Variants in ERICH1 observed in about 807,000 individuals in gnomAD.
ERICH1 encodes the protein glutamate rich 1, also known as glutamate-rich protein 1.
In ERICH1, 56 loss-of-function variants were observed where a neutral mutation model predicts 39.6. That is an observed-to-expected ratio of 1.41 (90% CI 1.14 to 1.77). The LOEUF is 1.77. Ranked by LOEUF, ERICH1 falls within the 40% of genes most tolerant of loss-of-function variation. The pLI is 0.00. For missense variants in ERICH1, 826 were observed against 575.4 expected (o/e 1.44, Z -4.45); for synonymous variants, 313 against 223.6 (o/e 1.40, Z -3.57).
intron 3 of ERICH1, among the ~76,000 whole-genome samples, chr8:658,332 C>T (rs972514891): frequency 1.5e-4 from 23 of 152,122 alleles, no homozygotes; most frequent in African/African-American, 9.7e-5. Context: ...CTGGGCCTCC[C>T]GGGAGGTGGG....
chr8:701,981 G>A (rs1812246638), intron 2 of ERICH1, among the ~76,000 whole-genome samples: 1 of 150,024 alleles, frequency 6.7e-6, no homozygotes. Flanking sequence ...GGAGGCTGAG[G>A]CATGAGAATC....
chr8:664,722 A>G (rs762005917), intron 5 of ERICH1, 46 bp from the exon 6 acceptor site: 11 of 1,495,818 alleles, frequency 7.4e-6, no homozygotes, highest in Admixed American at 1.8e-5. Flanking sequence ...AAAGACAAAA[A>G]GAAAAATCAT....
At chr8:730,864 C>T (rs1819822836) in intron 1 of ERICH1, among the ~76,000 whole-genome samples, 1 of 152,224 alleles carries the variant, frequency 6.6e-6, no homozygotes, top group African/African-American at 2.4e-5. Context: ...GAATCCCTGG[C>T]TGGGCTCGCC....
At chr8:628,885 G>C (rs1037328389) in intron 3 of ERICH1, among the ~76,000 whole-genome samples, 4 of 152,110 alleles carry the variant, frequency 2.6e-5, no homozygotes, top group African/African-American at 9.7e-5. Flanking sequence ...CCTCCTGCAA[G>C]CCCTTCCGCT....
chr8:673,436 GGTCTTCCTCGCTGGCGTCCGCACC>G lies in ERICH1; in HGVS notation c.892_915del (p.Gly298_Asp305del), dbSNP rs762060652. 16 of 1,613,008 alleles carry G rather than the reference GGTCTTCCTCGCTGGCGTCCGCACC, an allele frequency of 9.9e-6. No individual in the cohort carries two copies. The Admixed American group carries it at 1.5e-4, about 15-fold the overall frequency. ...CCCTCTTCCTCCCCAGCCCATGTCG[GGTCTTCCTCGCTGGCGTCCGCACC>G]GTCCTCCTCCCTGGTGTCTTTACCG... On this transcript the variant is annotated inframe_deletion, in exon 4 of 6. Coordinates refer to ENST00000262109, the MANE Select transcript of ERICH1 (RefSeq NM_207332.3).
chr8:635,130 G>A lies in ERICH1; in HGVS notation c.977-19846C>T, dbSNP rs553504413. On this transcript the variant is annotated intron_variant, in intron 3 of 3. Coordinates refer to the ERICH1 transcript ENST00000522706. The stretch of plus-strand genomic sequence containing the variant: ...AAAAAAAAGCACCTCACCAGGAGTG[G>A]GCGTGGCCGCATCTGCCTCTCCCTG... 4.6e-5 allele frequency among the ~76,000 whole-genome samples: 7 copies of A among 152,082 alleles called. No individual in the cohort carries two copies. The East Asian group carries it at 1.2e-3, about 25-fold the overall frequency.
At chr8:651,863 C>T (rs545924574) in intron 3 of ERICH1, among the ~76,000 whole-genome samples, 130 of 152,182 alleles carry the variant, frequency 8.5e-4, no homozygotes, top group African/African-American at 3.0e-3. Flanking sequence ...CAGCAGTTCC[C>T]CCTTGCTTAA....
intron 4 of ERICH1, among the ~76,000 whole-genome samples, chr8:671,599 G>A (rs976487357): frequency 3.4e-5 from 5 of 147,310 alleles, no homozygotes; most frequent in East Asian, 2.1e-4. Context: ...CTCTGAACCC[G>A]CTGGCCCCTG....
intron 3 of ERICH1, among the ~76,000 whole-genome samples, chr8:620,241 G>C (rs1224777160): frequency 6.6e-6 from 1 of 152,204 alleles, no homozygotes; most frequent in Non-Finnish European, 1.5e-5. Flanking sequence ...GAATCCAGGA[G>C]GCGGAGGTTG....
At chr8:686,876 C>G (rs1169655397) in intron 3 of ERICH1, among the ~76,000 whole-genome samples, 1 of 152,220 alleles carries the variant, frequency 6.6e-6, no homozygotes, top group Non-Finnish European at 1.5e-5. Context: ...ATCAGCGTGA[C>G]AAGAATGAAA....
At chr8:678,875 C>G (rs1050070262) in intron 3 of ERICH1, among the ~76,000 whole-genome samples, 1 of 152,126 alleles carries the variant, frequency 6.6e-6, no homozygotes, top group African/African-American at 2.4e-5. Context: ...GATAATGACC[C>G]CTGACGACTC....
chr8:655,168 G>T (rs1158829463), intron 3 of ERICH1, among the ~76,000 whole-genome samples: 1 of 152,230 alleles, frequency 6.6e-6, no homozygotes, highest in African/African-American at 2.4e-5. Flanking sequence ...ACTAGGAAGA[G>T]CAGCCGCGTT....
intron 2 of ERICH1, among the ~76,000 whole-genome samples, chr8:707,007 T>C (rs1355143989): frequency 6.6e-6 from 1 of 152,108 alleles, no homozygotes; most frequent in South Asian, 2.1e-4. Context: ...AACATTAATA[T>C]GGAATTGCAA....
intron 2 of ERICH1, among the ~76,000 whole-genome samples, chr8:713,608 A>G (rs992500187): frequency 2.6e-5 from 4 of 152,074 alleles, no homozygotes; most frequent in Non-Finnish European, 5.9e-5. Context: ...AGGCTTTCTG[A>G]GCCGGCCTGG....
chr8:719,034 A>C (rs1016249446), intron 1 of ERICH1, among the ~76,000 whole-genome samples: 12 of 151,986 alleles, frequency 7.9e-5, no homozygotes, highest in Non-Finnish European at 1.2e-4. Context: ...CCTCCTGAGG[A>C]GCTTCCCCAT....
intron 3 of ERICH1, among the ~76,000 whole-genome samples, chr8:633,358 G>A (rs952377759): frequency 1.3e-5 from 2 of 152,192 alleles, no homozygotes; most frequent in African/African-American, 2.4e-5. Flanking sequence ...CTTGTATGAT[G>A]CAGTATGTGC....
At chr8:700,270 C>G (rs1811663533) in intron 2 of ERICH1, among the ~76,000 whole-genome samples, 1 of 105,610 alleles carries the variant, frequency 9.5e-6, no homozygotes, top group Non-Finnish European at 2.1e-5. Context: ...CAGGCCCGCA[C>G]AGGCGCACAG....
chr8:726,089 A>G (rs1818560166), intron 1 of ERICH1, among the ~76,000 whole-genome samples: 2 of 152,208 alleles, frequency 1.3e-5, no homozygotes, highest in African/African-American at 4.8e-5. Context: ...ACGGGGCCAG[A>G]ATGAAAGTCG....
intron 3 of ERICH1, among the ~76,000 whole-genome samples, chr8:624,872 G>A (rs1398903575): frequency 6.6e-6 from 1 of 152,032 alleles, no homozygotes; most frequent in Admixed American, 6.5e-5. Context: ...GACTACAGGT[G>A]CCCGCCACCA....
Sources: allele counts gnomAD v4.1 joint callset (sites outside exome capture counted in the v4.1 genomes callset), GRCh38; gene constraint gnomAD v4.1.1; transcripts MANE v1.5; gene names NCBI Gene and HGNC (gene_info 2026-07-23, HGNC 2026-07-21).